SGTA: variants seen among roughly 807,000 people sequenced by gnomAD.
SGTA encodes small glutamine rich tetratricopeptide repeat co-chaperone alpha.
Under a neutral mutation model 44.3 loss-of-function variants are expected in SGTA, and 22 were observed. That is an observed-to-expected ratio of 0.50 (90% CI 0.36 to 0.71). SGTA has a LOEUF of 0.71. Among genes scored for constraint, SGTA ranks in the 30% least tolerant of loss-of-function variants. SGTA has a pLI of 0.00. For missense variants in SGTA, 341 were observed against 435.9 expected, an observed-to-expected ratio of 0.78 and a Z score of 1.94; for synonymous variants, 174 against 177.6, an observed-to-expected ratio of 0.98 and a Z score of 0.16.
At position 2,757,603 on chromosome 19, in the gene SGTA, C is replaced by A. The variant is rs550692309; in HGVS notation, c.827+90G>T. 9.7e-6 allele frequency: 14 copies of A among 1,441,336 alleles called. No individual in the cohort carries two copies. The South Asian group carries it at 1.9e-4, about 20-fold the overall frequency. 89.3% of individuals were successfully genotyped at this position (1,441,336 alleles called of 1,614,324 possible). On this transcript the variant is annotated intron_variant, in intron 10 of 11. Coordinates refer to ENST00000221566, the MANE Select transcript of SGTA (RefSeq NM_003021.4). ...ACGCTGGGCCCTTCGGAGCAGGGGA[C>A]GCAGCACTTTCGCTCTCCTCCTTCC...
intron 1 of SGTA, chr19:2,770,581 G>GCCCCCA (rs1396066665): frequency 6.5e-6 from 1 of 152,738 alleles, no homozygotes; most frequent in Non-Finnish European, 1.5e-5. Context: ...CCCCGCCCCC[G>GCCCCCA]CCGCTGGAGC....
At chr19:2,768,620 T>C (rs974182181) in intron 2 of SGTA, among the ~76,000 whole-genome samples, 1 of 152,098 alleles carries the variant, frequency 6.6e-6, no homozygotes, top group Non-Finnish European at 1.5e-5. Flanking sequence ...CTAGGAGAGC[T>C]TTTTCCCCGT....
chr19:2,780,791 TAA>T (rs917156926), intron 1 of SGTA, among the ~76,000 whole-genome samples: 1 of 152,124 alleles, frequency 6.6e-6, no homozygotes, highest in African/African-American at 2.4e-5. Flanking sequence ...TCCACCTCAG[TAA>T]AAGAGAAAAC....
In SGTA at chr19:2,759,303, CA is replaced by C; in HGVS notation, c.700-10del. 6.2e-7 allele frequency: 1 copy of C among 1,613,622 alleles called. No individual in the cohort carries two copies. Among genetic ancestry groups the C allele is most frequent in the Non-Finnish European group, 8.5e-7 (1 of 1,179,574 alleles). On this transcript the variant is annotated splice_polypyrimidine_tract_variant and intron_variant, in intron 8 of 11. Coordinates refer to ENST00000221566, the MANE Select transcript of SGTA (RefSeq NM_003021.4). The stretch of plus-strand genomic sequence containing the variant: ...TTCATTAGGTTCGAAGCCTGAAGAA[CA>C]GAACAAATTTGTCAGGAAGACAAAG...
At chr19:2,758,573 T>G (rs1320540852) in intron 9 of SGTA, among the ~76,000 whole-genome samples, 1 of 150,974 alleles carries the variant, frequency 6.6e-6, no homozygotes, top group Non-Finnish European at 1.5e-5. Flanking sequence ...GGTGAGCAGC[T>G]CCCCAGTGCG....
rs904703925 is a variant in SGTA at position 2,767,503 on chromosome 19, C to T, written c.207+77G>A. Reference sequence around the variant, plus strand: ...GTGCTGGGGGACGATGAGAGCGGGGCTCCTGGGGTCCCCAGGGCTGCCTGC... The same window carrying T: ...GTGCTGGGGGACGATGAGAGCGGGGTTCCTGGGGTCCCCAGGGCTGCCTGC... On this transcript the variant is annotated intron_variant, in intron 3 of 11. Coordinates refer to ENST00000221566, the MANE Select transcript of SGTA (RefSeq NM_003021.4). This position sits in a 1 kb window ranked among gnomAD's most constrained non-coding sequence, Gnocchi z 7.3. 14 of 1,204,314 alleles carry T rather than the reference C, an allele frequency of 1.2e-5. No individual in the cohort carries two copies. The Admixed American group carries it at 1.6e-4, about 14-fold the overall frequency. The allele number at this position is 1,204,314 out of a possible 1,614,324, so 74.6% of individuals were successfully genotyped here.
intron 9 of SGTA, 31 bp downstream of exon 9, chr19:2,759,226 C>A (rs189565705): frequency 1.2e-6 from 2 of 1,608,998 alleles, no homozygotes; most frequent in Admixed American, 1.7e-5. Context: ...TTAACCACAA[C>A]AAGACCCGAA....
intron 1 of SGTA, 25 bp from the exon 2 acceptor site, chr19:2,769,116 T>A (rs2096065022): frequency 1.8e-5 from 27 of 1,461,814 alleles, no homozygotes; most frequent in Non-Finnish European, 2.3e-5. Flanking sequence ...AAAACCCCCA[T>A]CAGGCCCCCT....
At chr19:2,779,207 T>C (rs566039641) in intron 1 of SGTA, among the ~76,000 whole-genome samples, 6 of 152,320 alleles carry the variant, frequency 3.9e-5, no homozygotes, top group South Asian at 4.1e-4. Flanking sequence ...GACTTTGCTG[T>C]GAGCTTTCTG....
rs534834001 is a variant in SGTA at position 2,763,682 on chromosome 19, C to T, written c.468G>A (p.Pro156=). The T allele has an allele frequency of 1.5e-5, 25 of 1,613,408 alleles. No individual in the cohort carries two copies. The highest frequency in any genetic ancestry group is 8.3e-5 in the Admixed American group (5 of 59,984). ...QDCERAICID[P]AYSKAYGRMG... ...TCCTGCCGTAGGCCTTGCTGTAGGC[C>T]GGGTCAATGCAGATGGCCCGCTCAC... The change falls in exon 6 of 12, where the codon CCG becomes CCA. Residue 156 remains proline (P), a synonymous_variant. Transcript: ENST00000221566. The surrounding 1 kb of genome is among the most constrained non-coding windows in gnomAD (Gnocchi z 5.8).
chr19:2,771,582 G>C (rs372442336), intron 1 of SGTA, among the ~76,000 whole-genome samples: 20 of 151,796 alleles, frequency 1.3e-4, no homozygotes, highest in African/African-American at 4.6e-4. Flanking sequence ...CATCGGGGGG[G>C]GGGGGAGGGG....
chr19:2,757,850 A>T, intron 9 of SGTA, 68 bp from the exon 10 acceptor site: 2 of 1,075,862 alleles, frequency 1.9e-6, no homozygotes, highest in Non-Finnish European at 2.6e-6. Flanking sequence ...AGGCCCTCGC[A>T]GTGGCCCGGG....
chr19:2,771,580 G>GA (rs912929507), intron 1 of SGTA, among the ~76,000 whole-genome samples: 2 of 151,714 alleles, frequency 1.3e-5, no homozygotes, highest in Admixed American at 1.3e-4. Context: ...CCCATCGGGG[G>GA]GGGGGGGAGG....
chr19:2,779,240 T>C (rs1266058471), intron 1 of SGTA, among the ~76,000 whole-genome samples: 2 of 152,134 alleles, frequency 1.3e-5, no homozygotes, highest in Admixed American at 6.6e-5. Context: ...TTGTAGGCTA[T>C]TCTGGGTTTC....
At chr19:2,776,045 A>G (rs113579766) in intron 1 of SGTA, among the ~76,000 whole-genome samples, 2,298 of 152,178 alleles carry the variant, frequency 0.015, 30 homozygotes, top group Non-Finnish European at 0.021. Context: ...CCAGAATCCA[A>G]AGATCTCATG....
chr19:2,766,246 GC>G (rs201164263), intron 4 of SGTA, among the ~76,000 whole-genome samples: 1,661 of 152,072 alleles, frequency 0.011, 15 homozygotes, highest in Non-Finnish European at 0.017. Flanking sequence ...GGGATCACAT[GC>G]TGTGCGTCCT....
At chr19:2,756,101 G>A (rs901790858) in intron 11 of SGTA, among the ~76,000 whole-genome samples, 168 bp from the exon 12 acceptor site, 9 of 152,178 alleles carry the variant, frequency 5.9e-5, no homozygotes, top group Admixed American at 5.2e-4. Context: ...CACACTCGGG[G>A]CCACGTGTGG....
rs535770149 is a variant in SGTA at position 2,765,131 on chromosome 19, G to C, written c.392+55C>G. 1.6e-6 allele frequency: 2 copies of C among 1,270,988 alleles called. No individual in the cohort carries two copies. The highest frequency in any genetic ancestry group is 2.3e-6 in the Non-Finnish European group (2 of 868,852). 78.7% of individuals were successfully genotyped at this position (1,270,988 alleles called of 1,614,324 possible). On this transcript the variant is annotated intron_variant, in intron 5 of 11. Coordinates refer to ENST00000221566, the MANE Select transcript of SGTA (RefSeq NM_003021.4). This position sits in a 1 kb window ranked among gnomAD's most constrained non-coding sequence, Gnocchi z 5.5. ...ATCTCAGGTCCCTGCTAAGCATCCC[G>C]GAGGACGCCCCCGCACCCGGCCGCC... is the stretch of plus-strand genomic sequence containing the variant.
At chr19:2,764,471 C>T (rs1041915559) in intron 5 of SGTA, among the ~76,000 whole-genome samples, 1 of 152,238 alleles carries the variant, frequency 6.6e-6, no homozygotes, top group Admixed American at 6.5e-5. Flanking sequence ...GATCTCAGCT[C>T]ACTGCAACCT....
Sources: allele counts gnomAD v4.1 joint callset (sites outside exome capture counted in the v4.1 genomes callset), GRCh38; gene constraint gnomAD v4.1.1; non-coding constraint Gnocchi (gnomAD v3.1); transcripts MANE v1.5; gene names NCBI Gene and HGNC (gene_info 2026-07-23, HGNC 2026-07-21).